Variants in RANBP17 observed in about 807,000 individuals in gnomAD.
The protein encoded by RANBP17 is RAN binding protein 17.
A neutral mutation model predicts 141.2 loss-of-function variants in RANBP17; 158 were observed. The observed-to-expected ratio is 1.12, with a 90% CI of 0.98 to 1.28. The LOEUF (loss-of-function observed/expected upper bound fraction) is 1.28, where lower values mean the gene tolerates loss of function less well. Ranked by LOEUF, RANBP17 falls within the 50% of genes most tolerant of loss-of-function variation. RANBP17 has a pLI of 0.00. For synonymous variants in RANBP17, 430 were observed against 450.0 expected, an observed-to-expected ratio of 0.96 and a Z score of 0.56; for missense variants, 1,438 against 1,290.7, an observed-to-expected ratio of 1.11 and a Z score of -1.75.
chr5:171,195,483 C>T (rs1761923614), intron 18 of RANBP17, among the ~76,000 whole-genome samples: 2 of 152,230 alleles, frequency 1.3e-5, no homozygotes, highest in Admixed American at 1.3e-4. Context: ...ACAGTGCTGA[C>T]TAAAAACGTA....
intron 25 of RANBP17, among the ~76,000 whole-genome samples, chr5:171,286,056 T>C (rs1244491815): frequency 1.3e-5 from 2 of 152,198 alleles, no homozygotes; most frequent in Non-Finnish European, 2.9e-5. Context: ...CAAAACTAGG[T>C]TGTGTTTTTC....
intron 14 of RANBP17, among the ~76,000 whole-genome samples, chr5:171,099,881 T>A (rs1787010941): frequency 6.6e-6 from 1 of 152,156 alleles, no homozygotes; most frequent in African/African-American, 2.4e-5. Context: ...TTGTCATTGG[T>A]TCTGTTTATG....
chr5:170,881,445 C>T (rs1768680720), intron 2 of RANBP17, among the ~76,000 whole-genome samples: 1 of 152,060 alleles, frequency 6.6e-6, no homozygotes. Flanking sequence ...AGAGCAAAGT[C>T]AAGAATGGAA....
At chr5:170,965,052 A>G (rs907415472) in intron 13 of RANBP17, among the ~76,000 whole-genome samples, 2 of 152,318 alleles carry the variant, frequency 1.3e-5, no homozygotes, top group African/African-American at 2.4e-5. Context: ...CATCCTCTCC[A>G]GCACCTGTTG....
Position 171,006,433 on chromosome 5 carries a change from G to C in RANBP17, c.1710+38056G>C, listed in dbSNP as rs569568454. Among the ~76,000 whole-genome samples the C allele has an allele frequency of 2.5e-3, 388 of 152,222 alleles. 2 individuals carry two copies. The highest frequency in any genetic ancestry group is 8.6e-3 in the African/African-American group (359 of 41,538). On this transcript the variant is annotated intron_variant, in intron 14 of 27. Coordinates refer to ENST00000523189, the MANE Select transcript of RANBP17 (RefSeq NM_022897.5). ...ATGCAGCCATAAAAAATTATGAGTT[G>C]ATGTCCTTTGTAGGGATATGGATGA...
At chr5:170,979,157 A>G (rs1777594357) in intron 14 of RANBP17, among the ~76,000 whole-genome samples, 1 of 152,182 alleles carries the variant, frequency 6.6e-6, no homozygotes, top group Admixed American at 6.5e-5. Flanking sequence ...TGGGATTAGT[A>G]AACACTAAAT....
At chr5:171,202,597 C>G (rs927593256) in intron 19 of RANBP17, among the ~76,000 whole-genome samples, 2 of 152,154 alleles carry the variant, frequency 1.3e-5, no homozygotes, top group African/African-American at 4.8e-5. Flanking sequence ...TGTAGCAGTT[C>G]CTGAATAATT....
At chr5:171,084,333 T>C (rs1475661426) in intron 14 of RANBP17, among the ~76,000 whole-genome samples, 4 of 144,402 alleles carry the variant, frequency 2.8e-5, no homozygotes, top group African/African-American at 1.0e-4. Context: ...GGTGTATATG[T>C]GCCACATTTT....
At chr5:171,114,092 T>G (rs1755443382) in intron 14 of RANBP17, among the ~76,000 whole-genome samples, 1 of 152,124 alleles carries the variant, frequency 6.6e-6, no homozygotes, top group South Asian at 2.1e-4. Flanking sequence ...TCTAATATGG[T>G]AAATATCAAT....
intron 14 of RANBP17, among the ~76,000 whole-genome samples, chr5:171,121,304 G>A (rs889412411): frequency 3.9e-5 from 6 of 152,256 alleles, no homozygotes; most frequent in African/African-American, 9.6e-5. Context: ...CTGAGGGCAT[G>A]TGTGCCAGGG....
At chr5:170,960,310 C>G (rs1033408861) in intron 13 of RANBP17, among the ~76,000 whole-genome samples, 8 of 152,134 alleles carry the variant, frequency 5.3e-5, no homozygotes, top group African/African-American at 1.9e-4. Flanking sequence ...CTCAGTGATT[C>G]TATTTTGTTT....
intron 14 of RANBP17, among the ~76,000 whole-genome samples, chr5:170,983,936 C>T (rs1278831447): frequency 1.3e-5 from 2 of 152,036 alleles, no homozygotes; most frequent in African/African-American, 4.8e-5. Context: ...GAGGTAGAAG[C>T]AGAATGTGCA....
At chr5:170,985,595 T>C (rs1778091115) in intron 14 of RANBP17, among the ~76,000 whole-genome samples, 3 of 152,174 alleles carry the variant, frequency 2.0e-5, no homozygotes, top group Admixed American at 2.0e-4. Flanking sequence ...CTTGTATCTC[T>C]TTTGTTCATC....
At chr5:171,232,590 T>G (rs1157206474) in intron 22 of RANBP17, among the ~76,000 whole-genome samples, 2 of 152,208 alleles carry the variant, frequency 1.3e-5, no homozygotes, top group Non-Finnish European at 2.9e-5. Flanking sequence ...CTTTAAATTT[T>G]CCATTTTTCA....
intron 12 of RANBP17, among the ~76,000 whole-genome samples, chr5:170,951,791 A>G (rs1174497653): frequency 1.3e-5 from 2 of 152,058 alleles, no homozygotes; most frequent in African/African-American, 2.4e-5. Flanking sequence ...TCCCAGTAAA[A>G]CAAAGGATTA....
At chr5:171,114,991 A>G (rs578101363) in intron 14 of RANBP17, among the ~76,000 whole-genome samples, 3 of 152,144 alleles carry the variant, frequency 2.0e-5, no homozygotes, top group South Asian at 2.1e-4. Context: ...GTGTGCGCCT[A>G]TAGGCCCAAC....
chr5:170,943,174 C>G (rs1353148736), intron 12 of RANBP17, among the ~76,000 whole-genome samples: 1 of 152,114 alleles, frequency 6.6e-6, no homozygotes, highest in Non-Finnish European at 1.5e-5. Flanking sequence ...AGTTTGTATA[C>G]ACTGTGTGTA....
chr5:170,992,999 T>C (rs562128856), intron 14 of RANBP17, among the ~76,000 whole-genome samples: 2 of 152,096 alleles, frequency 1.3e-5, no homozygotes, highest in Non-Finnish European at 2.9e-5. Context: ...TGAAGGCAGA[T>C]GCTCTGCCTT....
At chr5:171,080,922 A>T (rs988698735) in intron 14 of RANBP17, among the ~76,000 whole-genome samples, 1 of 152,160 alleles carries the variant, frequency 6.6e-6, no homozygotes, top group Non-Finnish European at 1.5e-5. Flanking sequence ...CATAAGTGTA[A>T]TTTATGTGCC....
Sources: gnomAD v4.1 joint callset for allele counts (sites outside exome capture counted in the v4.1 genomes callset) on GRCh38, gnomAD v4.1.1 for gene constraint, MANE v1.5 for transcripts, NCBI Gene and HGNC (gene_info 2026-07-23, HGNC 2026-07-21) for gene names.